The following IMPDH1 variants were observed in gnomAD, a reference collection of about 807,000 sequenced individuals.
IMPDH1 encodes the protein inosine-5'-monophosphate dehydrogenase 1.
A neutral mutation model predicts 73.5 loss-of-function variants in IMPDH1; 41 were observed. That is an observed-to-expected ratio of 0.56 (90% confidence interval 0.43 to 0.72). The LOEUF (loss-of-function observed/expected upper bound fraction) is 0.72. IMPDH1 is among the 30% of genes least tolerant of loss of function. The pLI, the probability that IMPDH1 is intolerant of heterozygous loss-of-function variation, is 0.00. For missense variants in IMPDH1, 645 were observed against 824.8 expected (o/e 0.78, Z 2.67); for synonymous variants, 318 against 334.3 (o/e 0.95, Z 0.53).
intron 12 of IMPDH1, among the ~76,000 whole-genome samples, chr7:128,395,683 A>G (rs1261937570): frequency 4.6e-5 from 7 of 152,394 alleles, no homozygotes; most frequent in Non-Finnish European, 8.8e-5. Flanking sequence ...TAAGTGTCCA[A>G]GGTCCTTCAG....
At chr7:128,397,890 C>G (rs770157199) in intron 10 of IMPDH1, among the ~76,000 whole-genome samples, 1 of 152,186 alleles carries the variant, frequency 6.6e-6, no homozygotes, top group African/African-American at 2.4e-5. Flanking sequence ...CCCTCCCACC[C>G]TCTCCCATTT....
chr7:128,406,166 C>G (rs1484856478), intron 3 of IMPDH1, among the ~76,000 whole-genome samples: 1 of 133,868 alleles, frequency 7.5e-6, no homozygotes, highest in Non-Finnish European at 1.6e-5. Flanking sequence ...CGCTGCGACC[C>G]CGCAAGCCCG....
At chr7:128,407,214 G>C (rs1798832821) in intron 3 of IMPDH1, among the ~76,000 whole-genome samples, 1 of 152,212 alleles carries the variant, frequency 6.6e-6, no homozygotes. Context: ...CTGTGGCCCT[G>C]GGAGGCTGGG....
chr7:128,409,129 C>T (rs1185487664), intron 3 of IMPDH1, among the ~76,000 whole-genome samples, 160 bp downstream of exon 3: 1 of 152,206 alleles, frequency 6.6e-6, no homozygotes, highest in Non-Finnish European at 1.5e-5. Flanking sequence ...TCAGCCAGTC[C>T]CCCTGGGGCC....
At chr7:128,405,557 C>T (rs1440290176) in intron 4 of IMPDH1, among the ~76,000 whole-genome samples, 1 of 152,216 alleles carries the variant, frequency 6.6e-6, no homozygotes, top group Non-Finnish European at 1.5e-5. Flanking sequence ...TGGCCAGAAA[C>T]GGGTCAGGGC....
rs748241087 is a variant in IMPDH1 at position 128,392,990 on chromosome 7, G to A, written c.*17C>T. The stretch of plus-strand genomic sequence containing the variant: ...TGGGGTGCATCCCCTCCACCACCTC[G>A]GCCTCCACCGCTGTCCTCAGTACAG... On this transcript the variant is annotated 3_prime_UTR_variant, in exon 17 of 17. Transcript: ENST00000338791. 12 of 1,613,496 alleles carry A rather than the reference G, an allele frequency of 7.4e-6. No homozygotes were observed. The highest frequency in any genetic ancestry group is 2.7e-5 in the African/African-American group (2 of 74,886).
intron 5 of IMPDH1, among the ~76,000 whole-genome samples, chr7:128,401,455 C>T (rs1409577843): frequency 6.6e-5 from 10 of 152,266 alleles, no homozygotes; most frequent in African/African-American, 2.4e-4. Flanking sequence ...CTGTCACTCT[C>T]GGCTGAGGGA....
At position 128,398,370 on chromosome 7, in the gene IMPDH1, G is replaced by A; in HGVS notation, c.1074+44C>T. On this transcript the variant is annotated intron_variant, in intron 10 of 16. Transcript: ENST00000338791. The surrounding 1 kb of genome is among the most constrained non-coding windows in gnomAD (Gnocchi z 4.3). ...GGTCCTCATAAACCTCCACTCTGCT[G>A]AACCACTCATCCATCTCCCCCACCA... 1 of 1,538,050 alleles carries A rather than the reference G, an allele frequency of 6.5e-7. No homozygotes were observed. The highest frequency in any genetic ancestry group is 9.0e-7 in the Non-Finnish European group (1 of 1,113,080).
intron 3 of IMPDH1, among the ~76,000 whole-genome samples, chr7:128,406,894 A>G (rs1221021543): frequency 6.6e-6 from 1 of 152,212 alleles, no homozygotes; most frequent in African/African-American, 2.4e-5. Context: ...AACAGGGGCT[A>G]GGGAACTTCT....
intron 7 of IMPDH1, 28 bp from the exon 8 acceptor site, chr7:128,400,567 G>T (rs1390375068): frequency 6.3e-7 from 1 of 1,597,988 alleles, no homozygotes; most frequent in Non-Finnish European, 8.5e-7. Flanking sequence ...GGAGGAAAAG[G>T]CTGGAAGAAA....
At chr7:128,401,248 C>T (rs939755245) in intron 5 of IMPDH1, 132 bp from the exon 6 acceptor site, 2 of 710,446 alleles carry the variant, frequency 2.8e-6, no homozygotes, top group Non-Finnish European at 5.1e-6. Context: ...GAGTTCCCAG[C>T]TCATCTAATG....
Position 128,393,007 on chromosome 7 carries a change from TCAGTA to T in IMPDH1, c.1795_1799del (p.Tyr599ArgfsTer49). 7 of 1,613,838 alleles carry T rather than the reference TCAGTA, an allele frequency of 4.3e-6. No individual in the cohort carries two copies. Among genetic ancestry groups the T allele is most frequent in the Non-Finnish European group, 5.9e-6 (7 of 1,179,800 alleles). On this transcript the variant is annotated frameshift_variant and stop_lost, in exon 17 of 17. Transcript: ENST00000338791. LOFTEE classifies it high-confidence loss of function. ...ACCACCTCGGCCTCCACCGCTGTCC[TCAGTA>T]CAGCCGCTTTTCGTAACTGTGGGGA...
At chr7:128,402,941 G>C (rs768611530) in intron 5 of IMPDH1, among the ~76,000 whole-genome samples, 2 of 152,162 alleles carry the variant, frequency 1.3e-5, no homozygotes, top group Non-Finnish European at 2.9e-5. Flanking sequence ...GTACATTGTG[G>C]ATCAGTGAAC....
intron 4 of IMPDH1, among the ~76,000 whole-genome samples, chr7:128,405,265 A>G (rs923929427): frequency 6.6e-6 from 1 of 152,088 alleles, no homozygotes; most frequent in Non-Finnish European, 1.5e-5. Context: ...ACCAATACCA[A>G]CCTGTGGGCA....
At position 128,398,097 on chromosome 7, in the gene IMPDH1, A is replaced by AT. The variant is rs549396256; in HGVS notation, c.1074+316dup. Among the ~76,000 whole-genome samples, 163 of 152,328 alleles carry AT rather than the reference A, an allele frequency of 1.1e-3. No individual in the cohort carries two copies. The highest frequency in any genetic ancestry group is 3.8e-3 in the African/African-American group (160 of 41,568). ...TTTCTTATGGCTGTGCCACTGGAGA[A>AT]TTTTAACTTGTTTGTTTTCTTTCTT... On this transcript the variant is annotated intron_variant, in intron 10 of 16. Transcript: ENST00000338791. The surrounding 1 kb of genome is among the most constrained non-coding windows in gnomAD (Gnocchi z 4.3).
chr7:128,408,790 G>A (rs1290164676), intron 3 of IMPDH1, among the ~76,000 whole-genome samples: 1 of 152,178 alleles, frequency 6.6e-6, no homozygotes, highest in African/African-American at 2.4e-5. Context: ...TGGATTTCTA[G>A]GACAGGAGAA....
intron 1 of IMPDH1, 50 bp downstream of exon 1, chr7:128,409,706 C>A: frequency 6.6e-7 from 1 of 1,524,002 alleles, no homozygotes; most frequent in Non-Finnish European, 8.8e-7. Flanking sequence ...CCGCGCCCTC[C>A]TCGGCCGCCC....
Position 128,405,759 on chromosome 7 carries a change from G to A in IMPDH1, c.353+8C>T. The A allele has an allele frequency of 6.5e-7, 1 of 1,535,564 alleles. No homozygotes were observed. The highest frequency in any genetic ancestry group is 8.8e-7 in the Non-Finnish European group (1 of 1,141,838). ...CGCGCACCTAGGGGTACGAGACCCG[G>A]CGCTTACTTGTAGGTGAGGCCGTCG... On this transcript the variant is annotated splice_region_variant and intron_variant, in intron 4 of 16. Transcript: ENST00000338791.
rs1797645024 is a variant in IMPDH1 at position 128,393,086 on chromosome 7, CA to C, written c.1779-59del. The C allele has an allele frequency of 1.1e-5, 18 of 1,590,046 alleles. No individual in the cohort carries two copies. The Admixed American group carries it at 3.0e-4, about 27-fold the overall frequency. On this transcript the variant is annotated intron_variant, in intron 16 of 16. Transcript: ENST00000338791. ...TGGGTGTGTGGACCCTGCTCCTTCC[CA>C]AAACCCTTTCCCCAGGGCCCCCAGA...
Sources: gnomAD v4.1 joint callset for allele counts (sites outside exome capture counted in the v4.1 genomes callset) on GRCh38, gnomAD v4.1.1 for gene constraint, Gnocchi (gnomAD v3.1) non-coding constraint, MANE v1.5 for transcripts, NCBI Gene and HGNC (gene_info 2026-07-23, HGNC 2026-07-21) for gene names.